NUP205: variants seen among roughly 807,000 people sequenced by gnomAD.
NUP205 encodes the protein nuclear pore complex protein Nup205.
A neutral mutation model predicts 253.8 loss-of-function variants in NUP205; 76 were observed. The observed-to-expected ratio is 0.30, with a 90% CI of 0.25 to 0.36. The LOEUF is 0.36. Ranked by LOEUF, NUP205 falls within the 10% of genes least tolerant of loss-of-function variation. The pLI is 1.00. For synonymous variants in NUP205, 832 were observed against 850.1 expected, an observed-to-expected ratio of 0.98 and a Z score of 0.37; for missense variants, 2,162 against 2,425.5, an observed-to-expected ratio of 0.89 and a Z score of 2.28.
intron 10 of NUP205, 54 bp from the exon 11 acceptor site, chr7:135,591,396 T>C (rs1312275762): frequency 6.7e-7 from 1 of 1,500,434 alleles, no homozygotes; most frequent in African/African-American, 1.4e-5. Flanking sequence ...TAGTCCGTGT[T>C]GCCTTAAAGT....
At chr7:135,587,738 AT>A in intron 9 of NUP205, 47 bp downstream of exon 9, 1 of 1,526,506 alleles carries the variant, frequency 6.6e-7, no homozygotes, top group Non-Finnish European at 8.9e-7. Context: ...TCCTTTCATT[AT>A]TTTTTCCCCT....
At chr7:135,575,007 A>G (rs1806114798) in intron 3 of NUP205, among the ~76,000 whole-genome samples, 1 of 152,172 alleles carries the variant, frequency 6.6e-6, no homozygotes, top group Non-Finnish European at 1.5e-5. Context: ...TTAACTCGGA[A>G]CTTTCATTTA....
At chr7:135,591,253 G>A (rs182417054) in intron 10 of NUP205, among the ~76,000 whole-genome samples, 197 bp from the exon 11 acceptor site, 1 of 152,066 alleles carries the variant, frequency 6.6e-6, no homozygotes, top group African/African-American at 2.4e-5. Flanking sequence ...TTTCATAAAG[G>A]TATTTTATAA....
At chr7:135,579,104 T>C (rs1018757722) in intron 7 of NUP205, among the ~76,000 whole-genome samples, 189 bp downstream of exon 7, 1 of 152,234 alleles carries the variant, frequency 6.6e-6, no homozygotes, top group Non-Finnish European at 1.5e-5. Context: ...AAAAATATCA[T>C]ATGAAATACT....
chr7:135,635,763 T>C, intron 36 of NUP205, 106 bp downstream of exon 36: 1 of 605,070 alleles, frequency 1.7e-6, no homozygotes, highest in Non-Finnish European at 2.9e-6. Flanking sequence ...TCAACTGTTT[T>C]GGTTCTTTAG....
chr7:135,645,094 G>T (rs1794982125), intron 40 of NUP205, 76 bp downstream of exon 40: 1 of 1,545,230 alleles, frequency 6.5e-7, no homozygotes, highest in Non-Finnish European at 8.8e-7. Context: ...CATATTATTT[G>T]GGCACCAAAA....
At chr7:135,628,438 G>A (rs919623559) in intron 34 of NUP205, among the ~76,000 whole-genome samples, 11 of 152,130 alleles carry the variant, frequency 7.2e-5, no homozygotes, top group Admixed American at 7.2e-4. Flanking sequence ...GGTATCTATT[G>A]AGAGAGGGCT....
At chr7:135,628,157 A>G (rs1344017304) in intron 34 of NUP205, 46 bp downstream of exon 34, 1 of 1,566,094 alleles carries the variant, frequency 6.4e-7, no homozygotes, top group Admixed American at 1.8e-5. Flanking sequence ...CAAAATCCTC[A>G]TTTTACAAGT....
chr7:135,628,523 A>G (rs1461438381), intron 34 of NUP205, among the ~76,000 whole-genome samples: 2 of 152,236 alleles, frequency 1.3e-5, no homozygotes, highest in Non-Finnish European at 2.9e-5. Context: ...ACAGATGATA[A>G]TACTGCATTT....
chr7:135,619,908 T>C lies in NUP205; in HGVS notation c.4330+20T>C. The C allele has an allele frequency of 2.1e-6, 3 of 1,447,126 alleles. No homozygotes were observed. The highest frequency in any genetic ancestry group is 1.4e-5 in the African/African-American group (1 of 70,820). The allele number at this position is 1,447,126 out of a possible 1,614,324, so 89.6% of individuals were successfully genotyped here. On this transcript the variant is annotated intron_variant, in intron 30 of 42. Coordinates refer to ENST00000285968, the MANE Select transcript of NUP205 (RefSeq NM_015135.3). ...AAGCAGGTAGAATGAGATCAATTCC[T>C]AATCTTTTCTGGATTGGGAGATGGT... is the stretch of plus-strand genomic sequence containing the variant.
At chr7:135,647,575 A>C (rs1455505130) in intron 42 of NUP205, among the ~76,000 whole-genome samples, 1 of 152,226 alleles carries the variant, frequency 6.6e-6, no homozygotes, top group Non-Finnish European at 1.5e-5. Flanking sequence ...GCTGGCATGC[A>C]GTGGTGTGAC....
chr7:135,570,793 T>TATTA (rs1563110168), intron 1 of NUP205, among the ~76,000 whole-genome samples: 10 of 96,368 alleles, frequency 1.0e-4, no homozygotes, highest in Non-Finnish European at 1.6e-4. Flanking sequence ...TATATTTATA[T>TATTA]ATTATATTAA....
chr7:135,601,014 A>G, intron 16 of NUP205, 45 bp downstream of exon 16: 1 of 1,006,448 alleles, frequency 9.9e-7, no homozygotes. Flanking sequence ...AACTATTTAT[A>G]ATTTATAAAT....
In NUP205 at chr7:135,587,589, G is replaced by A; in HGVS notation, c.1233G>A (p.Arg411=). Residue 411 remains arginine, a synonymous_variant, in exon 9 of 43, where the codon AGG becomes AGA. Transcript: ENST00000285968. ...ALMPMKVKQL[R]NRADEDARMI... ...AAATTTAATAGGTGAAACAGCTGAG[G>A]AATCGGGCAGATGAAGATGCTCGAA... 1 of 1,599,202 alleles carries A rather than the reference G, an allele frequency of 6.3e-7. No homozygotes were observed. The highest frequency in any genetic ancestry group is 1.7e-5 in the Admixed American group (1 of 57,244).
At position 135,622,851 on chromosome 7, in the gene NUP205, A is replaced by G. The variant is rs1280922358; in HGVS notation, c.4405A>G (p.Ile1469Val). ...FSKLQRENIA[I>V]IESYGAALME... ...CAAATTACAGCGAGAAAACATAGCC[A>G]TTATTGAAAGTTATGGCGCCGCCCT... The change falls in exon 31 of 43, where the codon ATT (isoleucine) becomes GTT (valine). Residue 1469 changes from isoleucine (I) to valine (V), a missense_variant. Transcript: ENST00000285968. The G allele has an allele frequency of 3.1e-6, 5 of 1,614,150 alleles. No individual in the cohort carries two copies. The highest frequency in any genetic ancestry group is 1.6e-4 in the Middle Eastern group (1 of 6,062).
intron 14 of NUP205, 174 bp downstream of exon 14, chr7:135,597,592 C>A (rs1254801664): frequency 2.1e-6 from 1 of 479,038 alleles, no homozygotes. Flanking sequence ...TAAAAGGAAC[C>A]AAAATATTTT....
intron 36 of NUP205, among the ~76,000 whole-genome samples, chr7:135,637,488 C>A (rs1794830950): frequency 6.6e-6 from 1 of 152,186 alleles, no homozygotes; most frequent in Non-Finnish European, 1.5e-5. Flanking sequence ...TATGAAGTCC[C>A]TGGGAGCAAC....
Position 135,587,716 on chromosome 7 carries a change from G to C in NUP205, c.1335+25G>C, listed in dbSNP as rs747868324. The C allele has an allele frequency of 3.9e-6, 6 of 1,546,856 alleles. No individual in the cohort carries two copies. In the South Asian group the frequency reaches 7.1e-5, roughly 18 times the overall value. On this transcript the variant is annotated intron_variant, in intron 9 of 42. Coordinates refer to ENST00000285968, the MANE Select transcript of NUP205 (RefSeq NM_015135.3). ...GGTAAGCCATTATATTAGAAAGCTT[G>C]TCCTCTTTCCCTCCTTTCATTATTT... is the stretch of plus-strand genomic sequence containing the variant.
rs1363630214 is a variant in NUP205 at position 135,591,561 on chromosome 7, T to C, written c.1585T>C (p.Tyr529His). 5.6e-6 allele frequency: 9 copies of C among 1,613,964 alleles called. No homozygotes were observed. Among genetic ancestry groups the C allele is most frequent in the Non-Finnish European group, 7.6e-6 (9 of 1,179,934 alleles). The change falls in exon 11 of 43, where the codon TAC becomes CAC. Residue 529 changes from tyrosine (Y) to histidine (H), a missense_variant. This residue lies in a region of NUP205 where 892 missense variants were observed against 957.1 expected (regional missense o/e 0.93). Coordinates refer to ENST00000285968, the MANE Select transcript of NUP205 (RefSeq NM_015135.3). ...GGCCAATGGGCCTCAGTGTGCCCAC[T>C]ACTGTTTCAGCCTGCTCAAAGTCAA... is the stretch of plus-strand genomic sequence containing the variant. ...GLANGPQCAH[Y>H]CFSLLKVNGS...
Sources: allele counts gnomAD v4.1 joint callset (sites outside exome capture counted in the v4.1 genomes callset), GRCh38; gene constraint gnomAD v4.1.1; regional missense constraint gnomAD v4.1.1; transcripts MANE v1.5; gene names NCBI Gene and HGNC (gene_info 2026-07-23, HGNC 2026-07-21).